The following CPNE8 variants were observed in gnomAD, a reference collection of about 807,000 sequenced individuals.
The protein encoded by CPNE8 is copine 8.
Under a neutral mutation model 81.5 loss-of-function variants are expected in CPNE8, and 45 were observed. The observed-to-expected ratio is 0.55, with a 90% CI of 0.44 to 0.71. CPNE8 has a LOEUF of 0.71. CPNE8 is among the 30% of genes least tolerant of loss of function. The pLI is 0.00. For missense variants in CPNE8, 594 were observed against 672.1 expected (o/e 0.88, Z 1.28); for synonymous variants, 252 against 226.3 (o/e 1.11, Z -1.02).
intron 1 of CPNE8, among the ~76,000 whole-genome samples, chr12:38,880,525 GA>G (rs1212872140): frequency 6.6e-6 from 1 of 152,152 alleles, no homozygotes; most frequent in Non-Finnish European, 1.5e-5. Context: ...AAATCCCTGA[GA>G]GTGACAGCAT....
chr12:38,723,836 GA>G lies in CPNE8; in HGVS notation c.853-4del. The G allele has an allele frequency of 6.5e-7, 1 of 1,541,076 alleles. No homozygotes were observed. Among genetic ancestry groups the G allele is most frequent in the Non-Finnish European group, 8.9e-7 (1 of 1,118,014 alleles). ...ACCAAGAAAGAGAGTAAAGTTACCTGAAAAAGAAAAAGACAGAATTACCTTC... is the reference window on the plus strand; with the variant it reads ...ACCAAGAAAGAGAGTAAAGTTACCTGAAAAGAAAAAGACAGAATTACCTTC... On this transcript the variant is annotated splice_polypyrimidine_tract_variant and splice_region_variant and intron_variant, in intron 12 of 19. Transcript: ENST00000331366.
chr12:38,874,033 C>A (rs1944028804), intron 2 of CPNE8, among the ~76,000 whole-genome samples: 1 of 150,986 alleles, frequency 6.6e-6, no homozygotes, highest in Non-Finnish European at 1.5e-5. Context: ...CTCCTGGGCT[C>A]AGGCAATAGT....
At chr12:38,687,646 T>C (rs1939563410) in intron 15 of CPNE8, among the ~76,000 whole-genome samples, 1 of 152,060 alleles carries the variant, frequency 6.6e-6, no homozygotes, top group Non-Finnish European at 1.5e-5. Flanking sequence ...CCTCCCAAAG[T>C]GCTGGGATTA....
At chr12:38,750,008 T>C (rs1941317662) in intron 10 of CPNE8, among the ~76,000 whole-genome samples, 1 of 151,920 alleles carries the variant, frequency 6.6e-6, no homozygotes, top group African/African-American at 2.4e-5. Flanking sequence ...TAGGAGAAAA[T>C]GGTTTCCTGG....
At chr12:38,730,920 T>C (rs1212065162) in intron 10 of CPNE8, among the ~76,000 whole-genome samples, 1 of 151,820 alleles carries the variant, frequency 6.6e-6, no homozygotes, top group African/African-American at 2.4e-5. Flanking sequence ...TTCTGCACCT[T>C]GAAGTAATCA....
chr12:38,696,537 A>G (rs944025210), intron 14 of CPNE8, among the ~76,000 whole-genome samples: 5 of 152,192 alleles, frequency 3.3e-5, no homozygotes, highest in African/African-American at 9.6e-5. Flanking sequence ...ATAACACGGA[A>G]CTTAACATGT....
At chr12:38,881,435 C>T (rs1040473896) in intron 1 of CPNE8, among the ~76,000 whole-genome samples, 2 of 152,094 alleles carry the variant, frequency 1.3e-5, no homozygotes, top group Non-Finnish European at 2.9e-5. Context: ...CCTGAATATA[C>T]AGCAAGAACT....
chr12:38,857,806 G>T (rs1943768514), intron 3 of CPNE8, among the ~76,000 whole-genome samples: 1 of 152,186 alleles, frequency 6.6e-6, no homozygotes, highest in African/African-American at 2.4e-5. Flanking sequence ...TGAGGCAGGA[G>T]AATTGCTTGA....
chr12:38,738,432 C>A (rs1941003407), intron 10 of CPNE8, among the ~76,000 whole-genome samples: 1 of 152,044 alleles, frequency 6.6e-6, no homozygotes, highest in South Asian at 2.1e-4. Context: ...TATCCCAGCT[C>A]CCACCAAATT....
At chr12:38,799,344 G>A (rs71461484) in intron 6 of CPNE8, among the ~76,000 whole-genome samples, 2 of 152,042 alleles carry the variant, frequency 1.3e-5, no homozygotes, top group Non-Finnish European at 2.9e-5. Context: ...ACAACAAACT[G>A]TCTCTCAGAC....
intron 6 of CPNE8, among the ~76,000 whole-genome samples, chr12:38,799,774 C>T (rs1444420978): frequency 1.4e-5 from 2 of 142,570 alleles, no homozygotes; most frequent in Admixed American, 7.0e-5. Context: ...GAGTGCCAGA[C>T]AGTGGGCGCA....
In CPNE8 at chr12:38,699,334, C is replaced by T. The variant is rs112732111; in HGVS notation, c.961+3541G>A. 1.7e-3 allele frequency among the ~76,000 whole-genome samples: 259 copies of T among 152,284 alleles called. 1 individual carries two copies. Among genetic ancestry groups the T allele is most frequent in the African/African-American group, 6.0e-3 (248 of 41,566 alleles). On this transcript the variant is annotated intron_variant, in intron 14 of 19. Coordinates refer to ENST00000331366, the MANE Select transcript of CPNE8 (RefSeq NM_153634.3). The stretch of plus-strand genomic sequence containing the variant: ...GTTGCTCTCTAATGTTCTTAGTTCA[C>T]CTAATTCACTGGTGCTAGTCACCTT...
At chr12:38,725,532 A>G (rs1940676132) in intron 11 of CPNE8, among the ~76,000 whole-genome samples, 1 of 152,234 alleles carries the variant, frequency 6.6e-6, no homozygotes, top group Non-Finnish European at 1.5e-5. Flanking sequence ...GATAAACGTA[A>G]TACATAATTG....
intron 10 of CPNE8, among the ~76,000 whole-genome samples, chr12:38,760,430 G>A (rs1392380315): frequency 3.2e-5 from 1 of 31,234 alleles, no homozygotes; most frequent in African/African-American, 1.4e-4. Flanking sequence ...TTTGTTGTAT[G>A]GTGTGTATAT....
chr12:38,904,097 T>G (rs1944528177), intron 1 of CPNE8, among the ~76,000 whole-genome samples: 1 of 152,190 alleles, frequency 6.6e-6, no homozygotes, highest in South Asian at 2.1e-4. Context: ...AAGTCAAGAT[T>G]GATGGAATTT....
rs182145100 is a variant in CPNE8 at position 38,731,250 on chromosome 12, A to G, written c.723-892T>C. Among the ~76,000 whole-genome samples, 8 of 152,088 alleles carry G rather than the reference A, an allele frequency of 5.3e-5. No individual in the cohort carries two copies. The East Asian group carries it at 1.5e-3, about 29-fold the overall frequency. Reference sequence around the variant, plus strand: ...CAATATAACAAACATAAGGGATGTCACAGTAGCCATTTGTATAATAGAATT... The same window carrying G: ...CAATATAACAAACATAAGGGATGTCGCAGTAGCCATTTGTATAATAGAATT... On this transcript the variant is annotated intron_variant, in intron 10 of 19. Coordinates refer to ENST00000331366, the MANE Select transcript of CPNE8 (RefSeq NM_153634.3).
chr12:38,710,414 T>C (rs1417268068), intron 13 of CPNE8, among the ~76,000 whole-genome samples: 1 of 152,092 alleles, frequency 6.6e-6, no homozygotes, highest in Non-Finnish European at 1.5e-5. Context: ...GACTGGAGTT[T>C]GAAGCCCAGA....
intron 19 of CPNE8, 54 bp downstream of exon 19, chr12:38,670,675 G>C: frequency 8.1e-7 from 1 of 1,235,744 alleles, no homozygotes; most frequent in Non-Finnish European, 1.2e-6. Flanking sequence ...TTTTGTTAAA[G>C]ATCCCAATGA....
intron 6 of CPNE8, among the ~76,000 whole-genome samples, chr12:38,798,890 G>T (rs1441855718): frequency 5.3e-5 from 8 of 152,124 alleles, no homozygotes; most frequent in Non-Finnish European, 1.2e-4. Flanking sequence ...AAAGGCAGGG[G>T]TTGAAATCCC....
Sources: gnomAD v4.1 joint callset for allele counts (sites outside exome capture counted in the v4.1 genomes callset) on GRCh38, gnomAD v4.1.1 for gene constraint, MANE v1.5 for transcripts, NCBI Gene and HGNC (gene_info 2026-07-23, HGNC 2026-07-21) for gene names.